Variants in FAM210A observed in about 807,000 individuals in gnomAD.
The protein encoded by FAM210A is mitochondrial inner membrane scaffold 1.
FAM210A carries 13 observed loss-of-function variants against 25.3 expected under a neutral mutation model. The observed-to-expected ratio is 0.51, with a 90% confidence interval of 0.33 to 0.82. The LOEUF (loss-of-function observed/expected upper bound fraction) is 0.82, where lower values mean the gene tolerates loss of function less well. Among genes scored for constraint, FAM210A ranks in the 40% least tolerant of loss-of-function variants. FAM210A has a pLI of 0.02. For missense variants in FAM210A, 319 were observed against 323.2 expected, an observed-to-expected ratio of 0.99 and a Z score of 0.10; for synonymous variants, 125 against 118.7, an observed-to-expected ratio of 1.05 and a Z score of -0.35.
At chr18:13,681,182 C>A (rs1568479152) in intron 2 of FAM210A, among the ~76,000 whole-genome samples, 1 of 152,166 alleles carries the variant, frequency 6.6e-6, no homozygotes, top group East Asian at 1.9e-4. Flanking sequence ...TCTGTGCTTT[C>A]CTGAATGCCA....
At chr18:13,697,893 CTATTAAGCCA>C (rs1308381884) in intron 1 of FAM210A, among the ~76,000 whole-genome samples, 23 of 152,080 alleles carry the variant, frequency 1.5e-4, no homozygotes, top group Non-Finnish European at 2.9e-5. Context: ...CAGTAATGTG[CTATTAAGCCA>C]TGAAAACACA....
chr18:13,708,281 TAGG>T (rs2043795411), intron 1 of FAM210A, among the ~76,000 whole-genome samples: 1 of 152,224 alleles, frequency 6.6e-6, no homozygotes, highest in Non-Finnish European at 1.5e-5. Context: ...GGTAAGGTAT[TAGG>T]GGGGTGTCTG....
At chr18:13,685,984 T>C (rs1034481394) in intron 1 of FAM210A, among the ~76,000 whole-genome samples, 1 of 151,714 alleles carries the variant, frequency 6.6e-6, no homozygotes, top group African/African-American at 2.4e-5. Context: ...GCAACGAACA[T>C]GAGGAAAAGA....
chr18:13,683,761 T>G (rs573106374), intron 1 of FAM210A, among the ~76,000 whole-genome samples: 1 of 152,206 alleles, frequency 6.6e-6, no homozygotes, highest in Admixed American at 6.5e-5. Flanking sequence ...ACTAACATGT[T>G]GAGAACAGAC....
At chr18:13,701,119 A>G (rs1019912169) in intron 1 of FAM210A, among the ~76,000 whole-genome samples, 4 of 152,214 alleles carry the variant, frequency 2.6e-5, no homozygotes, top group African/African-American at 9.6e-5. Context: ...GATCTGAAAT[A>G]GAGCTTCTAA....
intron 2 of FAM210A, among the ~76,000 whole-genome samples, chr18:13,679,493 T>A (rs2043532095): frequency 6.6e-6 from 1 of 152,218 alleles, no homozygotes; most frequent in Non-Finnish European, 1.5e-5. Context: ...GTGATTAAGA[T>A]CTTCATATAG....
intron 1 of FAM210A, among the ~76,000 whole-genome samples, chr18:13,713,725 AACACACACACACAC>A (rs55691136): frequency 1.4e-5 from 2 of 142,012 alleles, no homozygotes; most frequent in Non-Finnish European, 3.0e-5. Context: ...GTCACTATAA[AACACACACACACAC>A]ACACACACAC....
chr18:13,693,560 T>A (rs146900039), intron 1 of FAM210A, among the ~76,000 whole-genome samples: 6,248 of 152,278 alleles, frequency 0.041, 145 homozygotes, highest in Middle Eastern at 0.065. Context: ...TCAAGTTGGC[T>A]TCATACCTGG....
chr18:13,673,753 T>C (rs1364514347), intron 2 of FAM210A, among the ~76,000 whole-genome samples: 2 of 151,048 alleles, frequency 1.3e-5, no homozygotes, highest in Admixed American at 6.6e-5. Flanking sequence ...AGTTCCCTGA[T>C]TATTAACATT....
At chr18:13,673,905 C>A in intron 2 of FAM210A, among the ~76,000 whole-genome samples, 1 of 121,040 alleles carries the variant, frequency 8.3e-6, no homozygotes, top group African/African-American at 3.4e-5. Flanking sequence ...ATTCCTGAGC[C>A]CTGGCTTCTT....
chr18:13,715,448 A>C (rs148045280), intron 1 of FAM210A: 18 of 152,338 alleles, frequency 1.2e-4, no homozygotes, highest in African/African-American at 3.4e-4. Context: ...GCCTCAGAAT[A>C]GTGGAGACAG....
At chr18:13,672,477 T>G (rs2043451659) in intron 2 of FAM210A, among the ~76,000 whole-genome samples, 1 of 152,174 alleles carries the variant, frequency 6.6e-6, no homozygotes, top group Non-Finnish European at 1.5e-5. Context: ...GGCGCAATCT[T>G]GGCTCACTGC....
At chr18:13,668,107 T>G (rs2043415521) in intron 3 of FAM210A, among the ~76,000 whole-genome samples, 3 of 152,232 alleles carry the variant, frequency 2.0e-5, no homozygotes, top group African/African-American at 7.2e-5. Flanking sequence ...AACAAAACTT[T>G]GAAAGAGCTG....
intron 1 of FAM210A, among the ~76,000 whole-genome samples, chr18:13,704,854 C>T (rs1601962549): frequency 6.6e-6 from 1 of 152,118 alleles, no homozygotes; most frequent in East Asian, 1.9e-4. Context: ...ATTTCCTTGT[C>T]ATCTGTGTCT....
intron 1 of FAM210A, among the ~76,000 whole-genome samples, chr18:13,723,800 T>A (rs918357190): frequency 1.3e-5 from 2 of 152,200 alleles, no homozygotes; most frequent in Non-Finnish European, 2.9e-5. Context: ...TATTTTCAAC[T>A]GAAGGAAAAA....
rs532524959 is a variant in FAM210A, at chr18:13,688,132, A to G, written c.-28-6027T>C. ...AGATTAATTATTCTGATACAATGAT[A>G]GGGACAGGAGGCAGAGAAATTCTAG... is the stretch of plus-strand genomic sequence containing the variant. On this transcript the variant is annotated intron_variant, in intron 1 of 3. Transcript: ENST00000651643. 2.6e-5 allele frequency among the ~76,000 whole-genome samples: 4 copies of G among 152,332 alleles called. No homozygotes were observed. In the East Asian group the frequency reaches 7.7e-4, roughly 29 times the overall value.
chr18:13,714,172 G>A (rs1340803488), intron 1 of FAM210A, among the ~76,000 whole-genome samples: 4 of 152,172 alleles, frequency 2.6e-5, no homozygotes, highest in African/African-American at 4.8e-5. Flanking sequence ...CTGTCTTTAA[G>A]TAGTTTACAA....
intron 2 of FAM210A, among the ~76,000 whole-genome samples, chr18:13,673,215 A>G (rs1303531395): frequency 1.5e-5 from 2 of 137,090 alleles, no homozygotes. Flanking sequence ...CTTTATTTCC[A>G]GTTTCCTGAT....
chr18:13,718,498 G>A (rs1174422891), intron 1 of FAM210A, among the ~76,000 whole-genome samples: 1 of 151,722 alleles, frequency 6.6e-6, no homozygotes, highest in Non-Finnish European at 1.5e-5. Context: ...TTCATAACTT[G>A]TTCCTGATCA....
Sources: allele counts gnomAD v4.1 joint callset (sites outside exome capture counted in the v4.1 genomes callset), GRCh38; gene constraint gnomAD v4.1.1; transcripts MANE v1.5; gene names NCBI Gene and HGNC (gene_info 2026-07-23, HGNC 2026-07-21).